GK: variants seen among roughly 807,000 people sequenced by gnomAD.
GK encodes ATP:glycerol 3-phosphotransferase.
In GK, 9 loss-of-function variants were observed where a neutral mutation model predicts 56.4. That is an observed-to-expected ratio of 0.16 (90% CI 0.10 to 0.28). GK has a LOEUF of 0.28. Among genes scored for constraint, GK ranks in the 10% least tolerant of loss-of-function variants. The pLI is 1.00. For synonymous variants in GK, 104 were observed against 144.1 expected (o/e 0.72, Z 1.99); for missense variants, 161 against 431.4 (o/e 0.37, Z 5.55).
intron 5 of GK, among the ~76,000 whole-genome samples, chrX:30,693,850 TG>T (rs1935111676): frequency 8.9e-6 from 1 of 112,047 alleles, no homozygotes. Flanking sequence ...CACCTGGCCC[TG>T]TGTTGCTTTA....
At chrX:30,679,662 C>T (rs1206065869) in intron 4 of GK, among the ~76,000 whole-genome samples, 1 of 111,575 alleles carries the variant, frequency 9.0e-6, no homozygotes, top group African/African-American at 3.3e-5. Flanking sequence ...TCTCTTCTGC[C>T]TGTGTCCCTC....
chrX:30,711,277 C>T (rs1398755575), intron 13 of GK, among the ~76,000 whole-genome samples: 1 of 110,749 alleles, frequency 9.0e-6, no homozygotes, highest in Non-Finnish European at 1.9e-5. Flanking sequence ...TCCCACATCC[C>T]TTCTGGCCAT....
chrX:30,695,139 A>G, intron 6 of GK: 1 of 750,579 alleles, frequency 1.3e-6, no homozygotes, highest in Non-Finnish European at 1.8e-6. Flanking sequence ...TTCAGTAAGT[A>G]TGTAATGATC....
intron 13 of GK, among the ~76,000 whole-genome samples, chrX:30,709,378 A>G (rs184768898): frequency 8.9e-6 from 1 of 111,826 alleles, no homozygotes; most frequent in East Asian, 2.8e-4. Flanking sequence ...TTCTATCTGA[A>G]GACAGCACCC....
chrX:30,699,248 T>C (rs1652696345), intron 9 of GK, among the ~76,000 whole-genome samples: 1 of 98,124 alleles, frequency 1.0e-5, no homozygotes, highest in African/African-American at 3.8e-5. Context: ...TATAACATGT[T>C]ATATATACAT....
At chrX:30,692,346 TAC>T (rs1255384342) in intron 5 of GK, among the ~76,000 whole-genome samples, 1 of 111,924 alleles carries the variant, frequency 8.9e-6, no homozygotes, top group African/African-American at 3.2e-5. Context: ...AGGCAACTTT[TAC>T]ACTTTCTACC....
At chrX:30,682,134 AC>A (rs1934310530) in intron 4 of GK, among the ~76,000 whole-genome samples, 1 of 111,845 alleles carries the variant, frequency 8.9e-6, no homozygotes, top group African/African-American at 3.2e-5. Context: ...TTTAGGGGGT[AC>A]CAACCTGAGA....
chrX:30,701,324 G>A (rs1040230377), intron 11 of GK, among the ~76,000 whole-genome samples: 3 of 111,972 alleles, frequency 2.7e-5, no homozygotes, highest in Non-Finnish European at 5.6e-5. Context: ...CAGGAGAATC[G>A]CTTGAACCCG....
chrX:30,669,686 TAGAG>T (rs1046884094), intron 3 of GK, among the ~76,000 whole-genome samples: 4 of 111,427 alleles, frequency 3.6e-5, no homozygotes, highest in South Asian at 3.8e-4. Context: ...TGACTATAGA[TAGAG>T]AGAACATCAA....
At chrX:30,671,542 C>T (rs1933506791) in intron 3 of GK, 1 of 111,863 alleles carries the variant, frequency 8.9e-6, no homozygotes, top group Non-Finnish European at 1.9e-5. Context: ...ACTTTGCCAA[C>T]TGAAGAGTGA....
intron 1 of GK, among the ~76,000 whole-genome samples, chrX:30,659,270 TG>T (rs1205962176): frequency 2.7e-5 from 3 of 112,101 alleles, no homozygotes; most frequent in Admixed American, 9.5e-5. Context: ...CTACCTCAGG[TG>T]ATCTACCCGC....
chrX:30,726,047 A>AT lies in GK; in HGVS notation c.1583-1415dup, dbSNP rs750901061. ...CTCCTCACTAGCGGTTGAGGATGTAATTTTAACTGCAAAATTCCCACAAAA... is the reference window on the plus strand; with the variant it reads ...CTCCTCACTAGCGGTTGAGGATGTAATTTTTAACTGCAAAATTCCCACAAAA... On this transcript the variant is annotated intron_variant, in intron 19 of 20. Transcript: ENST00000427190. 4.3e-3 allele frequency among the ~76,000 whole-genome samples: 472 copies of AT among 110,972 alleles called. 1 individual carries two copies. Among genetic ancestry groups the AT allele is most frequent in the African/African-American group, 0.015 (452 of 30,547 alleles).
chrX:30,704,002 G>A (rs972076850), intron 11 of GK, among the ~76,000 whole-genome samples: 9 of 106,115 alleles, frequency 8.5e-5, no homozygotes, highest in Non-Finnish European at 1.5e-4. Flanking sequence ...AGATAGAGGG[G>A]ATTTTGAAGC....
intron 4 of GK, among the ~76,000 whole-genome samples, chrX:30,688,802 A>G (rs1260604572): frequency 1.8e-5 from 2 of 111,966 alleles, no homozygotes; most frequent in African/African-American, 6.5e-5. Context: ...ACTGTCCTAG[A>G]ATTTATGGGG....
At chrX:30,672,278 T>C (rs1933581003) in intron 3 of GK, 1 of 110,446 alleles carries the variant, frequency 9.1e-6, no homozygotes, top group Non-Finnish European at 1.9e-5. Flanking sequence ...GATTATCTTG[T>C]ATCTAAAACA....
intron 3 of GK, among the ~76,000 whole-genome samples, chrX:30,672,619 G>C (rs1309485848): frequency 8.9e-6 from 1 of 111,829 alleles, no homozygotes; most frequent in Non-Finnish European, 1.9e-5. Flanking sequence ...TTCGAGACCA[G>C]CCTGACCAAC....
At chrX:30,655,705 T>C (rs1932216057) in intron 1 of GK, among the ~76,000 whole-genome samples, 1 of 112,343 alleles carries the variant, frequency 8.9e-6, no homozygotes, top group South Asian at 3.7e-4. Context: ...TCTTTTTGAC[T>C]GTTCATTATT....
At chrX:30,695,709 C>T (rs1204344948) in intron 6 of GK, among the ~76,000 whole-genome samples, 2 of 112,432 alleles carry the variant, frequency 1.8e-5, no homozygotes, top group African/African-American at 6.5e-5. Flanking sequence ...TATTTCATCT[C>T]GCCGAATTTA....
intron 8 of GK, 181 bp downstream of exon 8, chrX:30,696,864 A>T: frequency 4.5e-6 from 2 of 448,623 alleles, no homozygotes; most frequent in Non-Finnish European, 7.9e-6. Context: ...ATTTGCATTT[A>T]TAAACTTTAA....
Sources: allele counts gnomAD v4.1 joint callset (sites outside exome capture counted in the v4.1 genomes callset), GRCh38; gene constraint gnomAD v4.1.1; transcripts MANE v1.5; gene names NCBI Gene and HGNC (gene_info 2026-07-23, HGNC 2026-07-21).